Variants in UVSSA observed in about 807,000 individuals in gnomAD.
The protein encoded by UVSSA is UV stimulated scaffold protein A.
A neutral mutation model predicts 73.9 loss-of-function variants in UVSSA; 72 were observed. The ratio of observed to expected loss-of-function variants is 0.97; its 90% CI spans 0.81 to 1.19. The LOEUF (loss-of-function observed/expected upper bound fraction) is 1.19. UVSSA is among the 50% of genes most tolerant of loss of function. The probability of loss-of-function intolerance (pLI) is 0.00; values close to 1 mark genes in which losing one functional copy is unlikely to be tolerated. For missense variants in UVSSA, 1,150 were observed against 965.0 expected, an observed-to-expected ratio of 1.19 and a Z score of -2.54; for synonymous variants, 454 against 391.3, an observed-to-expected ratio of 1.16 and a Z score of -1.89.
chr4:1,368,619 C>T (rs768861119), intron 8 of UVSSA, among the ~76,000 whole-genome samples: 21 of 152,254 alleles, frequency 1.4e-4, no homozygotes, highest in Non-Finnish European at 2.6e-4. Flanking sequence ...TGTGCTGGGA[C>T]GCCTGCTCTG....
At chr4:1,367,522 G>A (rs186316482) in intron 8 of UVSSA, among the ~76,000 whole-genome samples, 181 of 152,316 alleles carry the variant, frequency 1.2e-3, no homozygotes, top group Non-Finnish European at 1.5e-3. Context: ...CCTTCCATTT[G>A]TATGGTCCTG....
At chr4:1,358,229 G>C (rs1716078759) in intron 7 of UVSSA, among the ~76,000 whole-genome samples, 1 of 152,230 alleles carries the variant, frequency 6.6e-6, no homozygotes, top group Non-Finnish European at 1.5e-5. Context: ...TGGGCGGGGG[G>C]TGTCTGCGGC....
At chr4:1,371,642 G>A (rs1439047621) in intron 8 of UVSSA, among the ~76,000 whole-genome samples, 2 of 152,168 alleles carry the variant, frequency 1.3e-5, no homozygotes, top group African/African-American at 2.4e-5. Flanking sequence ...ACATCTTAAC[G>A]TGGATGGCAG....
intron 13 of UVSSA, chr4:1,385,064 G>C (rs1041093522): frequency 6.6e-6 from 1 of 152,342 alleles, no homozygotes; most frequent in South Asian, 2.1e-4. Flanking sequence ...GGCCAGCCTT[G>C]GTGCTGATGC....
At chr4:1,371,582 A>G (rs1283018597) in intron 8 of UVSSA, among the ~76,000 whole-genome samples, 2 of 152,212 alleles carry the variant, frequency 1.3e-5, no homozygotes, top group Non-Finnish European at 2.9e-5. Flanking sequence ...AGCGTTCCAC[A>G]TGGCTGGGGA....
At chr4:1,360,660 G>T (rs1716495593) in intron 7 of UVSSA, among the ~76,000 whole-genome samples, 2 of 152,142 alleles carry the variant, frequency 1.3e-5, no homozygotes, top group African/African-American at 4.8e-5. Flanking sequence ...CTGAAGCAGG[G>T]TCCTTTCCCG....
At chr4:1,377,069 T>TCTGCGGGGC (rs1718865596) in intron 10 of UVSSA, among the ~76,000 whole-genome samples, 1 of 151,990 alleles carries the variant, frequency 6.6e-6, no homozygotes, top group African/African-American at 2.4e-5. Flanking sequence ...TGCTGCGGGG[T>TCTGCGGGGC]CTGCGGGGCG....
intron 8 of UVSSA, among the ~76,000 whole-genome samples, chr4:1,370,872 G>A (rs1260142596): frequency 6.6e-6 from 1 of 152,190 alleles, no homozygotes; most frequent in South Asian, 2.1e-4. Flanking sequence ...TGCAACTCAG[G>A]GACGGGGTCG....
At chr4:1,345,340 G>C (rs191760038), upstream of UVSSA, among the ~76,000 whole-genome samples, 20 of 152,286 alleles carry the variant, frequency 1.3e-4, 1 homozygote, top group Admixed American at 1.2e-3. Context: ...ACAGAAGGAT[G>C]CAGGGCAGGC....
exon 14 of UVSSA, chr4:1,395,689 T>C: frequency 6.2e-7 from 1 of 1,612,880 alleles, no homozygotes; most frequent in Non-Finnish European, 8.5e-7. Context: ...CCATGTGGAG[T>C]GCCCGCCTGC....
chr4:1,394,550 G>A (rs372193501), exon 14 of UVSSA: 44 of 1,525,260 alleles, frequency 2.9e-5, no homozygotes, highest in African/African-American at 2.1e-4. Flanking sequence ...TGGAGTGCCC[G>A]CCTGCTCACA....
In UVSSA at chr4:1,349,830, C is replaced by G. The variant is rs770825185; in HGVS notation, c.405C>G (p.Tyr135Ter). Residue 135 changes from tyrosine (Y) to a stop codon, truncating the protein, a stop_gained, in exon 3 of 14, where the codon TAC becomes TAG. Coordinates refer to ENST00000389851, the MANE Select transcript of UVSSA (RefSeq NM_020894.4). LOFTEE classifies it high-confidence loss of function. ...GEAYKKLALG[Y>*]HFLRHNKKVD... The stretch of plus-strand genomic sequence containing the variant: ...CCTACAAGAAGCTTGCCTTGGGCTA[C>G]CACTTCTTAAGACACAACAAAAAGG... The G allele has an allele frequency of 1.1e-5, 18 of 1,573,074 alleles. No individual in the cohort carries two copies. Among genetic ancestry groups the G allele is most frequent in the Non-Finnish European group, 8.6e-7 (1 of 1,159,710 alleles).
intron 8 of UVSSA, among the ~76,000 whole-genome samples, chr4:1,372,779 C>T (rs1230344275): frequency 1.6e-4 from 11 of 66,858 alleles, no homozygotes; most frequent in Admixed American, 1.5e-3. Flanking sequence ...TCAGGGCACT[C>T]ACCTCCCGCG....
chr4:1,346,318 C>T (rs1269673560), upstream of UVSSA, among the ~76,000 whole-genome samples: 2 of 152,042 alleles, frequency 1.3e-5, no homozygotes, highest in Non-Finnish European at 2.9e-5. Flanking sequence ...TGCACCCAGC[C>T]CCGGGAGCCC....
intron 10 of UVSSA, among the ~76,000 whole-genome samples, chr4:1,376,934 CT>C (rs1718847160): frequency 6.6e-6 from 1 of 152,212 alleles, no homozygotes; most frequent in African/African-American, 2.4e-5. Context: ...GTGGGTCCCC[CT>C]GGCCTCTTGC....
rs907989917 is a variant in UVSSA at position 1,364,716 on chromosome 4, A to C, written c.1177-1604A>C. On this transcript the variant is annotated intron_variant, in intron 7 of 13. Transcript: ENST00000389851. Reference sequence around the variant, plus strand: ...TGGGAACAGGAATGCAGGCGCCTCCATCCCGGGGGTACCTCAACCCTGGGG... The same window carrying C: ...TGGGAACAGGAATGCAGGCGCCTCCCTCCCGGGGGTACCTCAACCCTGGGG... Among the ~76,000 whole-genome samples, 3 of 152,148 alleles carry C rather than the reference A, an allele frequency of 2.0e-5. No individual in the cohort carries two copies. The East Asian group carries it at 5.8e-4, about 30-fold the overall frequency.
chr4:1,371,718 A>G (rs1022136217), intron 8 of UVSSA, among the ~76,000 whole-genome samples: 4 of 152,154 alleles, frequency 2.6e-5, no homozygotes, highest in African/African-American at 9.7e-5. Flanking sequence ...CGTGAGACCC[A>G]TTCACTCTCA....
chr4:1,370,410 C>T (rs111701141), intron 8 of UVSSA, among the ~76,000 whole-genome samples: 2,508 of 152,324 alleles, frequency 0.016, 77 homozygotes, highest in African/African-American at 0.057. Flanking sequence ...CGGTGTCTCC[C>T]GGGTGCGCGC....
At chr4:1,361,074 G>A (rs982154691) in intron 7 of UVSSA, among the ~76,000 whole-genome samples, 7 of 152,226 alleles carry the variant, frequency 4.6e-5, no homozygotes, top group African/African-American at 1.7e-4. Flanking sequence ...GCATCTGGTC[G>A]ACAGATGTGT....
Sources: allele counts gnomAD v4.1 joint callset (sites outside exome capture counted in the v4.1 genomes callset), GRCh38; gene constraint gnomAD v4.1.1; transcripts MANE v1.5; gene names NCBI Gene and HGNC (gene_info 2026-07-23, HGNC 2026-07-21).